RPS6KB2: variants seen among roughly 807,000 people sequenced by gnomAD.
RPS6KB2 encodes the protein ribosomal protein S6 kinase B2.
A neutral mutation model predicts 58.2 loss-of-function variants in RPS6KB2; 51 were observed. The observed-to-expected ratio is 0.88, with a 90% CI of 0.70 to 1.11. RPS6KB2 has a LOEUF of 1.11. RPS6KB2 is among the 50% of genes least tolerant of loss of function. RPS6KB2 has a pLI of 0.00. For missense variants in RPS6KB2, 671 were observed against 655.8 expected, an observed-to-expected ratio of 1.02 and a Z score of -0.25; for synonymous variants, 293 against 258.6, an observed-to-expected ratio of 1.13 and a Z score of -1.28.
At position 67,431,397 on chromosome 11, in the gene RPS6KB2, A is replaced by G; in HGVS notation, c.339A>G (p.Thr113=). 6.2e-7 allele frequency: 1 copy of G among 1,614,144 alleles called. No homozygotes were observed. Among genetic ancestry groups the G allele is most frequent in the Non-Finnish European group, 8.5e-7 (1 of 1,180,020 alleles). ...KAKIVRNAKD[T]AHTRAERNIL... ...AAATTGTGCGCAATGCCAAGGACAC[A>G]GCACACACACGGGCTGAGCGGAACA... The change falls in exon 5 of 15, where the codon ACA becomes ACG. Residue 113 remains threonine (T), a synonymous_variant. Coordinates refer to ENST00000312629, the MANE Select transcript of RPS6KB2 (RefSeq NM_003952.3).
At chr11:67,429,409 A>T in intron 3 of RPS6KB2, 118 bp from the exon 4 acceptor site, 1 of 1,360,962 alleles carries the variant, frequency 7.3e-7, no homozygotes, top group Non-Finnish European at 1.0e-6. Context: ...TGAAATCTTC[A>T]CTGCCCCACC....
Position 67,433,341 on chromosome 11 carries a change from C to G in RPS6KB2, c.800C>G (p.Pro267Arg). Reference protein sequence around the residue: ...ALMYDMLTGSPPFTAENRKKT... With the variant: ...ALMYDMLTGSRPFTAENRKKT... ...CCTCTCACCTTCCTCCTCCTCCAGC[C>G]GCCCTTCACCGCAGAGAACCGGAAG... The change falls in exon 10 of 15, where the codon CCG becomes CGG. Residue 267 changes from proline (P) to arginine (R), a missense_variant and splice_region_variant. Pro to Arg is a moderately radical substitution (Grantham distance 103, BLOSUM62 -2). Coordinates refer to ENST00000312629, the MANE Select transcript of RPS6KB2 (RefSeq NM_003952.3). 6.2e-7 allele frequency: 1 copy of G among 1,613,340 alleles called. No homozygotes were observed. Among genetic ancestry groups the G allele is most frequent in the Non-Finnish European group, 8.5e-7 (1 of 1,179,490 alleles).
rs144884952 is a variant in RPS6KB2 at position 67,428,908 on chromosome 11, C to T, written c.79-74C>T. 2.2e-4 allele frequency: 341 copies of T among 1,570,522 alleles called. No homozygotes were observed. In the African/African-American group the frequency reaches 3.5e-3, roughly 16 times the overall value. ...CCTGACACCCTTCTCTCCTGGGCCA[C>T]GCAGTCCAACCTGAACGGGAGCGGG... On this transcript the variant is annotated intron_variant, in intron 1 of 14. Transcript: ENST00000312629.
At position 67,434,034 on chromosome 11, in the gene RPS6KB2, C is replaced by G; in HGVS notation, c.946C>G (p.Pro316Ala). 3 of 1,614,114 alleles carry G rather than the reference C, an allele frequency of 1.9e-6. No individual in the cohort carries two copies. The highest frequency in any genetic ancestry group is 2.5e-6 in the Non-Finnish European group (3 of 1,180,010). Residue 316 changes from proline (P) to alanine (A), a missense_variant, in exon 11 of 15, where the codon CCA (proline) becomes GCA (alanine). Coordinates refer to ENST00000312629, the MANE Select transcript of RPS6KB2 (RefSeq NM_003952.3). ...TCCCAGCCAGCGGATTGGGGGTGGC[C>G]CAGGGGATGCTGCTGATGTGCAGGT... is the stretch of plus-strand genomic sequence containing the variant. ...RNPSQRIGGG[P>A]GDAADVQRHP...
Position 67,428,509 on chromosome 11 carries a change from A to C in RPS6KB2, c.-37A>C, listed in dbSNP as rs761330290. Reference sequence around the variant, plus strand: ...CGGGACTGTCAGTCAGTGCGCGGCCAGGTACGGGCCGACGGGCCCGCGGGG... The same window carrying C: ...CGGGACTGTCAGTCAGTGCGCGGCCCGGTACGGGCCGACGGGCCCGCGGGG... On this transcript the variant is annotated 5_prime_UTR_variant, in exon 1 of 15. Transcript: ENST00000312629. 1.9e-6 allele frequency: 3 copies of C among 1,572,176 alleles called. No homozygotes were observed. The highest frequency in any genetic ancestry group is 2.6e-6 in the Non-Finnish European group (3 of 1,152,512).
chr11:67,434,440 C>G lies in RPS6KB2; in HGVS notation c.1111C>G (p.Pro371Ala). 6.2e-7 allele frequency: 1 copy of G among 1,613,034 alleles called. No individual in the cohort carries two copies. Residue 371 changes from proline to alanine, a missense_variant, in exon 13 of 15, where the codon CCT becomes GCT. Transcript: ENST00000312629. ...CACACGGCAGACGCCGGTGGACAGT[C>G]CTGATGACACAGCCCTCAGCGAGAG... ...RFTRQTPVDS[P>A]DDTALSESAN... is the part of the protein sequence containing the mutation.
chr11:67,433,980 C>G lies in RPS6KB2; in HGVS notation c.907-15C>G, dbSNP rs1864145011. 2 of 1,614,000 alleles carry G rather than the reference C, an allele frequency of 1.2e-6. No homozygotes were observed. The highest frequency in any genetic ancestry group is 1.3e-5 in the African/African-American group (1 of 74,940). ...GTACTTGCCCAGGCCCTCACCCTCT[C>G]TCCTGGTCCCGCAGTTTCTGAAACG... is the stretch of plus-strand genomic sequence containing the variant. On this transcript the variant is annotated splice_polypyrimidine_tract_variant and intron_variant, in intron 10 of 14. Coordinates refer to ENST00000312629, the MANE Select transcript of RPS6KB2 (RefSeq NM_003952.3).
At position 67,429,249 on chromosome 11, in the gene RPS6KB2, G is replaced by A. The variant is rs1264082865; in HGVS notation, c.240+9G>A. ...AGGGGGGCTATGGCAAGGTAGGGGC[G>A]GGCGCACCCTCCTCCTGGCCTCACA... On this transcript the variant is annotated intron_variant, in intron 3 of 14. Transcript: ENST00000312629. The A allele has an allele frequency of 6.2e-7, 1 of 1,612,038 alleles. No homozygotes were observed. Among genetic ancestry groups the A allele is most frequent in the East Asian group, 2.2e-5 (1 of 44,886 alleles).
At position 67,434,779 on chromosome 11, in the gene RPS6KB2, G is replaced by C. The variant is rs1005127064; in HGVS notation, c.1268+85G>C. 3 of 1,167,264 alleles carry C rather than the reference G, an allele frequency of 2.6e-6. No homozygotes were observed. The Admixed American group carries it at 6.0e-5, about 23-fold the overall frequency. 72.3% of individuals were successfully genotyped at this position (1,167,264 alleles called of 1,614,324 possible). A position where few individuals can be genotyped will look rare whatever the true frequency, so the allele number is the denominator to read the frequency against. On this transcript the variant is annotated intron_variant, in intron 14 of 14. Coordinates refer to ENST00000312629, the MANE Select transcript of RPS6KB2 (RefSeq NM_003952.3). ...CTCCAGCCTTGGGTGCCTTGGCCACGTCTGTCGGCCAGTGTTGGCTTCGGT... is the reference window on the plus strand; with the variant it reads ...CTCCAGCCTTGGGTGCCTTGGCCACCTCTGTCGGCCAGTGTTGGCTTCGGT...
chr11:67,433,107 A>G lies in RPS6KB2; in HGVS notation c.708-19A>G, dbSNP rs771388551. The G allele has an allele frequency of 3.7e-6, 6 of 1,608,630 alleles. No individual in the cohort carries two copies. The Admixed American group carries it at 8.4e-5, about 23-fold the overall frequency. ...CCCGAAGGGGCACGGCCTGACTGAC[A>G]GTTCCACCTGGACCCCAGGGCCCCT... On this transcript the variant is annotated intron_variant, in intron 8 of 14. Coordinates refer to ENST00000312629, the MANE Select transcript of RPS6KB2 (RefSeq NM_003952.3).
rs368269730 is a variant in RPS6KB2, at chr11:67,433,496, G to T, written c.906+49G>T. 123 of 1,388,394 alleles carry T rather than the reference G, an allele frequency of 8.9e-5. No individual in the cohort carries two copies. In the East Asian group the frequency reaches 1.3e-3, roughly 14 times the overall value. 86.0% of individuals were successfully genotyped at this position (1,388,394 alleles called of 1,614,324 possible). ...CGGGGCCCTGCCAGCCATTCTGCAC[G>T]TGTTCCTGAGTCTCTCTGGGCTGTG... is the stretch of plus-strand genomic sequence containing the variant. On this transcript the variant is annotated intron_variant, in intron 10 of 14. Transcript: ENST00000312629.
chr11:67,434,181 G>A lies in RPS6KB2; in HGVS notation c.970-17G>A, dbSNP rs2135128521. ...AGGGTGAGCTGTTAGTGGGTTTGGT[G>A]CATTCTCTACCTACAGAGACATCCC... is the stretch of plus-strand genomic sequence containing the variant. On this transcript the variant is annotated splice_polypyrimidine_tract_variant and intron_variant, in intron 11 of 14. Transcript: ENST00000312629. The A allele has an allele frequency of 6.2e-7, 1 of 1,613,936 alleles. No homozygotes were observed. The highest frequency in any genetic ancestry group is 8.5e-7 in the Non-Finnish European group (1 of 1,179,874).
At chr11:67,429,909 G>A (rs1190007543) in intron 4 of RPS6KB2, 2 of 254,770 alleles carry the variant, frequency 7.9e-6, no homozygotes, top group Non-Finnish European at 1.5e-5. Flanking sequence ...TGTCTCCCAG[G>A]TTCAAGCGAT....
intron 5 of RPS6KB2, chr11:67,432,337 A>G (rs1168490412): frequency 1.5e-5 from 10 of 668,808 alleles, no homozygotes; most frequent in Middle Eastern, 2.4e-4. Flanking sequence ...CGTTGTGTAC[A>G]TGTCTGTCTC....
chr11:67,431,220 G>C (rs1380983561), intron 4 of RPS6KB2, 148 bp from the exon 5 acceptor site: 4 of 641,118 alleles, frequency 6.2e-6, no homozygotes, highest in Non-Finnish European at 1.1e-5. Context: ...AGTAGAGATG[G>C]GGTTTCACCA....
intron 13 of RPS6KB2, 46 bp from the exon 14 acceptor site, chr11:67,434,535 AG>A: frequency 6.3e-7 from 1 of 1,598,102 alleles, no homozygotes; most frequent in Non-Finnish European, 8.5e-7. Context: ...ATCGTGACTA[AG>A]GATGGCAGGC....
rs1590981127 is a variant in RPS6KB2 at position 67,435,261 on chromosome 11, T to C, written c.*92T>C. On this transcript the variant is annotated 3_prime_UTR_variant, in exon 15 of 15. Transcript: ENST00000312629. ...TGGGCCAGTTCCAGAGACCTGGGGG[T>C]GTGTCTGGGGGTGGGGTGTGAGTGC... 3 of 1,162,998 alleles carry C rather than the reference T, an allele frequency of 2.6e-6. No homozygotes were observed. The highest frequency in any genetic ancestry group is 1.6e-5 in the South Asian group (1 of 63,212). 72.0% of individuals were successfully genotyped at this position (1,162,998 alleles called of 1,614,324 possible).
At chr11:67,433,611 A>G (rs964390144) in intron 10 of RPS6KB2, among the ~76,000 whole-genome samples, 164 bp downstream of exon 10, 2 of 152,236 alleles carry the variant, frequency 1.3e-5, no homozygotes, top group Non-Finnish European at 2.9e-5. Flanking sequence ...CCCAGGTCTC[A>G]GCCCTGTCAC....
intron 1 of RPS6KB2, 156 bp from the exon 2 acceptor site, chr11:67,428,826 C>G: frequency 1.0e-6 from 1 of 1,002,692 alleles, no homozygotes; most frequent in Non-Finnish European, 1.6e-6. Context: ...TCCCGATTCT[C>G]CCTTTCCTGC....
Sources: gnomAD v4.1 joint callset for allele counts (sites outside exome capture counted in the v4.1 genomes callset) on GRCh38, gnomAD v4.1.1 for gene constraint, MANE v1.5 for transcripts, NCBI Gene and HGNC (gene_info 2026-07-23, HGNC 2026-07-21) for gene names.